The following TNFAIP8 variants were observed in gnomAD, a reference collection of about 807,000 sequenced individuals.
TNFAIP8 encodes tumor necrosis factor alpha-induced protein 8.
TNFAIP8 carries 7 observed loss-of-function variants against 13.3 expected under a neutral mutation model. The ratio of observed to expected loss-of-function variants is 0.52; its 90% CI spans 0.30 to 0.99. The LOEUF (loss-of-function observed/expected upper bound fraction) is 0.99, where lower values mean the gene tolerates loss of function less well. Among genes scored for constraint, TNFAIP8 ranks in the 50% least tolerant of loss-of-function variants. The probability of loss-of-function intolerance (pLI) is 0.07; values close to 1 mark genes in which losing one functional copy is unlikely to be tolerated. For synonymous variants in TNFAIP8, 94 were observed against 87.6 expected (o/e 1.07, Z -0.41); for missense variants, 258 against 236.9 (o/e 1.09, Z -0.58).
chr5:119,281,401 G>C (rs996539487), intron 1 of TNFAIP8, among the ~76,000 whole-genome samples: 2 of 151,584 alleles, frequency 1.3e-5, no homozygotes, highest in African/African-American at 4.8e-5. Flanking sequence ...TAAAGTTCAA[G>C]ACTATAGGGT....
chr5:119,280,462 T>C lies in TNFAIP8; in HGVS notation c.1+11555T>C, dbSNP rs76243961. ...TTAATTTGTAGAGTTTCCCACAGTG[T>C]TGATAACAAGAAAGATTCACACTCA... On this transcript the variant is annotated intron_variant, in intron 1 of 1. Coordinates refer to the TNFAIP8 transcript ENST00000274456. 8.2e-4 allele frequency among the ~76,000 whole-genome samples: 125 copies of C among 152,310 alleles called. 1 individual carries two copies. The East Asian group carries it at 0.013, about 15-fold the overall frequency.
intron 1 of TNFAIP8, among the ~76,000 whole-genome samples, chr5:119,332,555 A>C (rs906780946): frequency 1.3e-5 from 2 of 152,192 alleles, no homozygotes; most frequent in Non-Finnish European, 2.9e-5. Context: ...AGAGTAAGAT[A>C]GATAAACAAC....
In TNFAIP8 at chr5:119,395,625, T is replaced by A. The variant is rs1290592014; in HGVS notation, c.*2244T>A. ...GACCGAAGGAGGGAATCCTGTTTGC[T>A]ACCATTTCTCAGCATTTTCTGGAGG... On this transcript the variant is annotated 3_prime_UTR_variant, in exon 2 of 2. Coordinates refer to ENST00000504771, the MANE Select transcript of TNFAIP8 (RefSeq NM_014350.4). 1 of 152,214 alleles carries A rather than the reference T, an allele frequency of 6.6e-6. No homozygotes were observed. Among genetic ancestry groups the A allele is most frequent in the Non-Finnish European group, 1.5e-5 (1 of 68,056 alleles). 9.4% of individuals were successfully genotyped at this position (152,214 alleles called of 1,614,324 possible).
At chr5:119,321,612 T>C (rs1475816925) in intron 1 of TNFAIP8, among the ~76,000 whole-genome samples, 2 of 152,158 alleles carry the variant, frequency 1.3e-5, no homozygotes, top group Admixed American at 6.5e-5. Context: ...CTCTGTTCAC[T>C]CATCACACAG....
chr5:119,325,157 G>T (rs1175525627), intron 1 of TNFAIP8, among the ~76,000 whole-genome samples: 3 of 152,152 alleles, frequency 2.0e-5, no homozygotes, highest in African/African-American at 7.2e-5. Flanking sequence ...CATGTGGATA[G>T]TTAGGCTCTA....
In TNFAIP8 at chr5:119,399,297, C is replaced by G. The variant is rs1388299158; in HGVS notation, c.*5916C>G. ...GGGAGCAGTTAGGAAACCAGGACGTCCAGCTTCTGCCTGCCAGGGAGCTCG... is the reference window on the plus strand; with the variant it reads ...GGGAGCAGTTAGGAAACCAGGACGTGCAGCTTCTGCCTGCCAGGGAGCTCG... On this transcript the variant is annotated 3_prime_UTR_variant, in exon 2 of 2. Coordinates refer to ENST00000504771, the MANE Select transcript of TNFAIP8 (RefSeq NM_014350.4). The G allele has an allele frequency of 6.6e-6, 1 of 152,208 alleles. No individual in the cohort carries two copies. The highest frequency in any genetic ancestry group is 2.4e-5 in the African/African-American group (1 of 41,448). The allele number at this position is 152,208 out of a possible 1,614,324, so 9.4% of individuals were successfully genotyped here.
chr5:119,335,961 C>T (rs1226392555), intron 1 of TNFAIP8, among the ~76,000 whole-genome samples: 1 of 151,746 alleles, frequency 6.6e-6, no homozygotes, highest in Non-Finnish European at 1.5e-5. Flanking sequence ...ATTAGACTCA[C>T]CTGAGAAGTG....
chr5:119,355,788 C>T (rs896547031), upstream of TNFAIP8: 20 of 467,778 alleles, frequency 4.3e-5, 1 homozygote, highest in South Asian at 1.5e-3. Flanking sequence ...CTGTGCCCCA[C>T]CTGCGTGCGC....
intron 1 of TNFAIP8, among the ~76,000 whole-genome samples, chr5:119,295,310 G>A (rs1053150928): frequency 1.3e-5 from 2 of 150,788 alleles, no homozygotes; most frequent in Non-Finnish European, 3.0e-5. Flanking sequence ...TTTTGTATAA[G>A]GTGTAAGGAA....
chr5:119,393,666 C>T lies in TNFAIP8; in HGVS notation c.*285C>T. The T allele has an allele frequency of 3.0e-6, 1 of 336,174 alleles. No individual in the cohort carries two copies. The highest frequency in any genetic ancestry group is 5.5e-6 in the Non-Finnish European group (1 of 180,766). 20.8% of individuals were successfully genotyped at this position (336,174 alleles called of 1,614,324 possible). On this transcript the variant is annotated 3_prime_UTR_variant, in exon 2 of 2. Coordinates refer to ENST00000504771, the MANE Select transcript of TNFAIP8 (RefSeq NM_014350.4). ...TATACAAAGAAAAATACAGATGTCT[C>T]CAGACCTGAGGACTTTTTAATAGGG...
chr5:119,283,575 C>G (rs1327770847), intron 1 of TNFAIP8, among the ~76,000 whole-genome samples: 2 of 152,224 alleles, frequency 1.3e-5, no homozygotes, highest in South Asian at 2.1e-4. Flanking sequence ...TAGCCTTGGT[C>G]ACACCAGGGA....
chr5:119,304,107 C>A (rs1009418771), intron 1 of TNFAIP8, among the ~76,000 whole-genome samples: 1 of 151,704 alleles, frequency 6.6e-6, no homozygotes, highest in Non-Finnish European at 1.5e-5. Context: ...TCCTTTTTTT[C>A]AAATTTAAGT....
chr5:119,399,206 C>G lies in TNFAIP8; in HGVS notation c.*5825C>G, dbSNP rs1306849858. 6.6e-6 allele frequency: 1 copy of G among 152,176 alleles called. No homozygotes were observed. Among genetic ancestry groups the G allele is most frequent in the East Asian group, 1.9e-4 (1 of 5,196 alleles). 9.4% of individuals were successfully genotyped at this position (152,176 alleles called of 1,614,324 possible). On this transcript the variant is annotated 3_prime_UTR_variant, in exon 2 of 2. Transcript: ENST00000504771. ...CGCCACGTGTCAGGAATTTGGCATG[C>G]CTTCCTCTGGGAGAGGCACTGGAGT...
intron 1 of TNFAIP8, among the ~76,000 whole-genome samples, chr5:119,360,137 C>T (rs924344190): frequency 6.6e-6 from 1 of 152,174 alleles, no homozygotes; most frequent in East Asian, 1.9e-4. Context: ...TTGCCCCCAC[C>T]TTACGCCATT....
chr5:119,320,088 G>A (rs942548064), intron 1 of TNFAIP8, among the ~76,000 whole-genome samples: 1 of 152,178 alleles, frequency 6.6e-6, no homozygotes, highest in African/African-American at 2.4e-5. Context: ...ACGACTACTG[G>A]GAGGGGACAC....
Position 119,274,406 on chromosome 5 carries a change from C to G in TNFAIP8, c.1+5499C>G, listed in dbSNP as rs151335903. The stretch of plus-strand genomic sequence containing the variant: ...AAAATGGCAGGTGTTTGGTTAAATA[C>G]TGTTTTGCTACACTTGAAGGGCAGA... On this transcript the variant is annotated intron_variant, in intron 1 of 1. Transcript: ENST00000274456. Among the ~76,000 whole-genome samples, 794 of 152,296 alleles carry G rather than the reference C, an allele frequency of 5.2e-3. 2 individuals are homozygous for G. The highest frequency in any genetic ancestry group is 8.3e-3 in the Non-Finnish European group (562 of 68,028).
intron 1 of TNFAIP8, among the ~76,000 whole-genome samples, chr5:119,360,461 A>G (rs143095168): frequency 4.6e-5 from 7 of 152,310 alleles, no homozygotes; most frequent in Admixed American, 1.3e-4. Context: ...AATGATATGT[A>G]TATCTTTAAT....
chr5:119,297,244 G>C (rs899895124), intron 1 of TNFAIP8, among the ~76,000 whole-genome samples: 6 of 152,066 alleles, frequency 3.9e-5, no homozygotes, highest in Non-Finnish European at 7.4e-5. Flanking sequence ...TGGGCATTTA[G>C]TGCTATAAAT....
At chr5:119,323,598 G>A (rs1750127993) in intron 1 of TNFAIP8, among the ~76,000 whole-genome samples, 1 of 152,114 alleles carries the variant, frequency 6.6e-6, no homozygotes, top group African/African-American at 2.4e-5. Flanking sequence ...GTTTTATAGT[G>A]CTCTGTATGT....
Sources: allele counts gnomAD v4.1 joint callset (sites outside exome capture counted in the v4.1 genomes callset), GRCh38; gene constraint gnomAD v4.1.1; transcripts MANE v1.5; gene names NCBI Gene and HGNC (gene_info 2026-07-23, HGNC 2026-07-21).